Variants in DYM observed in about 807,000 individuals in gnomAD.
DYM encodes dymeclin, also known as dyggve-Melchior-Clausen syndrome protein.
In DYM, 78 loss-of-function variants were observed where a neutral mutation model predicts 93.1. The observed-to-expected ratio is 0.84, with a 90% CI of 0.70 to 1.01. The LOEUF (loss-of-function observed/expected upper bound fraction) is 1.01. Among genes scored for constraint, DYM ranks in the 50% least tolerant of loss-of-function variants. DYM has a pLI of 0.00. For synonymous variants in DYM, 321 were observed against 319.7 expected (o/e 1.00, Z -0.04); for missense variants, 789 against 845.0 (o/e 0.93, Z 0.82).
chr18:49,166,405 CAATTGTTTCCA>C (rs1367900775), intron 14 of DYM, among the ~76,000 whole-genome samples: 1 of 152,058 alleles, frequency 6.6e-6, no homozygotes, highest in East Asian at 1.9e-4. Context: ...TCACTCACTG[CAATTGTTTCCA>C]AATTTTTATA....
chr18:49,308,290 GTATA>G (rs3061689), intron 8 of DYM, among the ~76,000 whole-genome samples: 33 of 145,088 alleles, frequency 2.3e-4, no homozygotes, highest in East Asian at 4.5e-4. Context: ...ACTTGTGTGT[GTATA>G]TATATATATA....
At chr18:49,144,573 T>C (rs1325088481) in intron 15 of DYM, among the ~76,000 whole-genome samples, 2 of 152,212 alleles carry the variant, frequency 1.3e-5, no homozygotes, top group Non-Finnish European at 2.9e-5. Context: ...AAATCCCCAG[T>C]TCCTTTTAGT....
intron 7 of DYM, among the ~76,000 whole-genome samples, chr18:49,333,091 C>A (rs957396801): frequency 8.5e-5 from 13 of 152,314 alleles, no homozygotes; most frequent in Middle Eastern, 3.4e-3. Context: ...GAGAACTTTC[C>A]TCAAAGGTAC....
At chr18:49,331,232 A>G (rs142934475) in intron 8 of DYM, among the ~76,000 whole-genome samples, 184 of 152,352 alleles carry the variant, frequency 1.2e-3, no homozygotes, top group Admixed American at 2.5e-3. Context: ...ATAACTTCAC[A>G]TGACCCAGGC....
At chr18:49,155,844 T>G (rs2086349085) in intron 15 of DYM, among the ~76,000 whole-genome samples, 1 of 152,252 alleles carries the variant, frequency 6.6e-6, no homozygotes, top group Admixed American at 6.5e-5. Context: ...GTTTCCATTT[T>G]TGGCTATTGC....
rs115711348 is a variant in DYM at position 49,181,055 on chromosome 18, G to T, written c.1626-17268C>A. Among the ~76,000 whole-genome samples, 453 of 152,248 alleles carry T rather than the reference G, an allele frequency of 3.0e-3. 3 individuals are homozygous for T. Among genetic ancestry groups the T allele is most frequent in the African/African-American group, 0.01 (419 of 41,530 alleles). On this transcript the variant is annotated intron_variant, in intron 14 of 17. Coordinates refer to ENST00000675505, the MANE Select transcript of DYM (RefSeq NM_001353214.3). ...ACAGCACCTCTCTAGCCTGAGTCCAGGCTGCAGGCCGTTAGTATGCAGTTT... is the reference window on the plus strand; with the variant it reads ...ACAGCACCTCTCTAGCCTGAGTCCATGCTGCAGGCCGTTAGTATGCAGTTT...
At chr18:49,423,952 G>C (rs181918998) in intron 2 of DYM, among the ~76,000 whole-genome samples, 25 of 152,198 alleles carry the variant, frequency 1.6e-4, no homozygotes, top group African/African-American at 5.3e-4. Context: ...ATTCACAGCC[G>C]AATTCTACCA....
At chr18:49,301,885 G>C (rs1286733525) in intron 8 of DYM, among the ~76,000 whole-genome samples, 2 of 152,184 alleles carry the variant, frequency 1.3e-5, no homozygotes, top group African/African-American at 4.8e-5. Context: ...TGAGAGAAGA[G>C]TGCAGCCCTG....
At chr18:49,099,459 T>C (rs899292935) in intron 16 of DYM, among the ~76,000 whole-genome samples, 1 of 152,140 alleles carries the variant, frequency 6.6e-6, no homozygotes, top group Non-Finnish European at 1.5e-5. Context: ...GTTGTACACA[T>C]CTACAAGTAA....
intron 9 of DYM, among the ~76,000 whole-genome samples, chr18:49,285,153 A>G (rs571420776): frequency 6.6e-6 from 1 of 152,338 alleles, no homozygotes; most frequent in Admixed American, 6.5e-5. Flanking sequence ...TGAGAAATAG[A>G]TTTCTGTTCT....
chr18:49,081,340 A>G (rs2077990909), intron 17 of DYM, among the ~76,000 whole-genome samples: 1 of 151,724 alleles, frequency 6.6e-6, no homozygotes, highest in Non-Finnish European at 1.5e-5. Flanking sequence ...CGTCTCCACC[A>G]AAAAAGTACG....
chr18:49,235,569 T>A (rs1405462845), intron 13 of DYM, among the ~76,000 whole-genome samples: 3 of 152,182 alleles, frequency 2.0e-5, no homozygotes, highest in African/African-American at 7.2e-5. Flanking sequence ...CTTAATAACA[T>A]TTAGTCTGTG....
intron 14 of DYM, among the ~76,000 whole-genome samples, chr18:49,168,996 G>T (rs1172708795): frequency 6.6e-6 from 1 of 152,172 alleles, no homozygotes; most frequent in Non-Finnish European, 1.5e-5. Context: ...AAGCCGGTAA[G>T]ACAAGAGGGG....
intron 17 of DYM, among the ~76,000 whole-genome samples, chr18:49,081,473 C>T (rs1392210165): frequency 6.9e-6 from 1 of 145,460 alleles, no homozygotes; most frequent in Admixed American, 7.0e-5. Flanking sequence ...AGCTTTGGCT[C>T]GGCATCAGAG....
At chr18:49,115,131 GTTTAT>G (rs1568445239) in intron 16 of DYM, among the ~76,000 whole-genome samples, 3 of 152,188 alleles carry the variant, frequency 2.0e-5, no homozygotes, top group Non-Finnish European at 4.4e-5. Flanking sequence ...ATACCTCATG[GTTTAT>G]TTTTTAATGA....
At chr18:49,106,663 G>A (rs1295348071) in intron 16 of DYM, among the ~76,000 whole-genome samples, 2 of 152,120 alleles carry the variant, frequency 1.3e-5, no homozygotes, top group African/African-American at 4.8e-5. Context: ...CTTCACTTAC[G>A]AAGCTTAGTT....
chr18:49,379,076 A>C (rs2067794243), intron 4 of DYM, among the ~76,000 whole-genome samples: 1 of 152,196 alleles, frequency 6.6e-6, no homozygotes, highest in South Asian at 2.1e-4. Flanking sequence ...TGTAACCAAA[A>C]TTTTCGACGA....
At chr18:49,156,663 C>A (rs1682440307) in intron 15 of DYM, among the ~76,000 whole-genome samples, 2 of 146,072 alleles carry the variant, frequency 1.4e-5, no homozygotes. Flanking sequence ...ACCCAGGAGG[C>A]AGAGGCTGCA....
At chr18:49,112,311 T>C (rs2081496783) in intron 16 of DYM, among the ~76,000 whole-genome samples, 1 of 152,172 alleles carries the variant, frequency 6.6e-6, no homozygotes, top group Non-Finnish European at 1.5e-5. Context: ...CAAATTCCTC[T>C]GGTGCTTGGG....
Sources: allele counts gnomAD v4.1 joint callset (sites outside exome capture counted in the v4.1 genomes callset), GRCh38; gene constraint gnomAD v4.1.1; transcripts MANE v1.5; gene names NCBI Gene and HGNC (gene_info 2026-07-23, HGNC 2026-07-21).